The following ADI1 variants were observed in gnomAD, a reference collection of about 807,000 sequenced individuals.
ADI1 encodes the protein acireductone dioxygenase.
A neutral mutation model predicts 18.7 loss-of-function variants in ADI1; 21 were observed. The ratio of observed to expected loss-of-function variants is 1.13; its 90% CI spans 0.80 to 1.62. The LOEUF is 1.62. Ranked by LOEUF, ADI1 falls within the 40% of genes most tolerant of loss-of-function variation. The pLI, the probability that ADI1 is intolerant of heterozygous loss-of-function variation, is 0.00. For synonymous variants in ADI1, 90 were observed against 100.1 expected (o/e 0.90, Z 0.60); for missense variants, 245 against 254.9 (o/e 0.96, Z 0.26).
intron 2 of ADI1, among the ~76,000 whole-genome samples, chr2:3,509,341 T>C (rs1017558227): frequency 2.0e-5 from 3 of 152,212 alleles, no homozygotes; most frequent in African/African-American, 4.8e-5. Context: ...TTGGCATTCA[T>C]AGATTACTTC....
At chr2:3,514,098 C>T (rs1667349211) in intron 1 of ADI1, 122 bp from the exon 2 acceptor site, 1 of 1,192,144 alleles carries the variant, frequency 8.4e-7, no homozygotes, top group Non-Finnish European at 1.1e-6. Flanking sequence ...TTTTTTCAAC[C>T]CTCAACTAAC....
chr2:3,500,553 G>A lies in ADI1; in HGVS notation c.420+261C>T, dbSNP rs530836953. The stretch of plus-strand genomic sequence containing the variant: ...CCGCCGCATGTACCTGCCGCCGCCT[G>A]TACCTGCCCCGCCTGGGTATGAAAT... On this transcript the variant is annotated intron_variant, in intron 3 of 3. Coordinates refer to ENST00000327435, the MANE Select transcript of ADI1 (RefSeq NM_018269.4). 4.7e-5 allele frequency: 26 copies of A among 549,764 alleles called. No homozygotes were observed. The South Asian group carries it at 5.3e-4, about 11-fold the overall frequency. The allele number at this position is 549,764 out of a possible 1,614,324, so 34.1% of individuals were successfully genotyped here.
intron 3 of ADI1, 86 bp downstream of exon 3, chr2:3,500,728 C>T (rs749417065): frequency 1.3e-6 from 2 of 1,578,448 alleles, no homozygotes; most frequent in Admixed American, 1.7e-5. Flanking sequence ...TTGGAGTCTG[C>T]GGAAGCCGCG....
intron 3 of ADI1, among the ~76,000 whole-genome samples, chr2:3,500,323 T>C (rs1666966190): frequency 1.4e-5 from 2 of 145,636 alleles, no homozygotes; most frequent in South Asian, 4.3e-4. Flanking sequence ...ACCCCAAAAC[T>C]ACCTTATCTG....
chr2:3,504,437 G>C (rs74769629), intron 2 of ADI1, among the ~76,000 whole-genome samples: 1,821 of 152,364 alleles, frequency 0.012, 10 homozygotes, highest in Middle Eastern at 0.027. Context: ...AAACGTGGCT[G>C]AGAAGAGGCT....
At chr2:3,506,039 T>C (rs1393241391) in intron 2 of ADI1, among the ~76,000 whole-genome samples, 1 of 152,180 alleles carries the variant, frequency 6.6e-6, no homozygotes, top group Non-Finnish European at 1.5e-5. Flanking sequence ...GTTTATGGTA[T>C]TTGCTTATGG....
At chr2:3,508,878 T>G (rs1366910557) in intron 2 of ADI1, among the ~76,000 whole-genome samples, 1 of 150,112 alleles carries the variant, frequency 6.7e-6, no homozygotes, top group Non-Finnish European at 1.5e-5. Context: ...CATTTCAGCC[T>G]GGGTGACAGA....
intron 2 of ADI1, among the ~76,000 whole-genome samples, chr2:3,501,662 G>T (rs1454727415): frequency 6.6e-6 from 1 of 151,806 alleles, no homozygotes. Context: ...CAAGTAGCTG[G>T]GATTACAGGT....
At chr2:3,500,521 G>A (rs1397769471) in intron 3 of ADI1, 7 of 180,840 alleles carry the variant, frequency 3.9e-5, no homozygotes, top group Non-Finnish European at 6.0e-5. Flanking sequence ...TCGTGGGTGT[G>A]TACCTGCCGC....
rs371234090 is a variant in ADI1 at position 3,509,840 on chromosome 2, A to T, written c.240+4017T>A. On this transcript the variant is annotated intron_variant, in intron 2 of 3. Coordinates refer to ENST00000327435, the MANE Select transcript of ADI1 (RefSeq NM_018269.4). ...TGAGATTCCAACGCTACAAAAAATTAAAAAAAAAAAAAAATTAGGCAGGCC... is the reference window on the plus strand; with the variant it reads ...TGAGATTCCAACGCTACAAAAAATTTAAAAAAAAAAAAAATTAGGCAGGCC... Among the ~76,000 whole-genome samples, 182 of 89,598 alleles carry T rather than the reference A, an allele frequency of 2.0e-3. 2 individuals carry two copies. Among genetic ancestry groups the T allele is most frequent in the Middle Eastern group, 5.7e-3 (1 of 174 alleles). 58.8% of individuals were successfully genotyped at this position (89,598 alleles called of 152,430 possible). A position where few individuals can be genotyped will look rare whatever the true frequency, so the allele number is the denominator to read the frequency against.
chr2:3,502,429 A>G lies in ADI1; in HGVS notation c.241-1436T>C, dbSNP rs117370574. ...AGTCTATTCATAGCCACACAGAAAG[A>G]AAAGACAAACGGAAATAGCTCTTTT... On this transcript the variant is annotated intron_variant, in intron 2 of 3. Coordinates refer to ENST00000327435, the MANE Select transcript of ADI1 (RefSeq NM_018269.4). Among the ~76,000 whole-genome samples, 870 of 151,366 alleles carry G rather than the reference A, an allele frequency of 5.7e-3. 36 individuals are homozygous for G. The East Asian group carries it at 0.12, about 22-fold the overall frequency.
intron 2 of ADI1, among the ~76,000 whole-genome samples, chr2:3,504,167 C>T (rs116000424): frequency 1.7e-3 from 260 of 152,300 alleles, no homozygotes; most frequent in African/African-American, 6.0e-3. Flanking sequence ...ACGTTGACAT[C>T]AGCAGTGAGG....
rs370465181 is a variant in ADI1, at chr2:3,510,745, G to T, written c.240+3112C>A. Among the ~76,000 whole-genome samples, 52 of 152,154 alleles carry T rather than the reference G, an allele frequency of 3.4e-4. No individual in the cohort carries two copies. The Middle Eastern group carries it at 0.014, about 40-fold the overall frequency. On this transcript the variant is annotated intron_variant, in intron 2 of 3. Coordinates refer to ENST00000327435, the MANE Select transcript of ADI1 (RefSeq NM_018269.4). Reference sequence around the variant, plus strand: ...AATAATGCTCATTCAAGAAAAAATGGGTTACCTGAATAGCCCTACATCTAG... The same window carrying T: ...AATAATGCTCATTCAAGAAAAAATGTGTTACCTGAATAGCCCTACATCTAG...
intron 2 of ADI1, among the ~76,000 whole-genome samples, chr2:3,505,217 G>T (rs951313999): frequency 6.6e-6 from 1 of 152,220 alleles, no homozygotes; most frequent in African/African-American, 2.4e-5. Flanking sequence ...AGAACAAACT[G>T]AAAAACCAAC....
At chr2:3,519,150 G>T in intron 1 of ADI1, 1 of 525,048 alleles carries the variant, frequency 1.9e-6, no homozygotes, top group Non-Finnish European at 2.9e-6. Context: ...ACACCCAGGC[G>T]CCGCGCAGGA....
rs138200339 is a variant in ADI1, at chr2:3,509,754, C to T, written c.240+4103G>A. On this transcript the variant is annotated intron_variant, in intron 2 of 3. Coordinates refer to ENST00000327435, the MANE Select transcript of ADI1 (RefSeq NM_018269.4). The stretch of plus-strand genomic sequence containing the variant: ...CTAAGGAAAGAAAAACAACACTCTG[C>T]GAGGCCGAGGAGGGAGGATCACTTG... 2.1e-3 allele frequency among the ~76,000 whole-genome samples: 316 copies of T among 151,712 alleles called. 4 individuals carry two copies. The highest frequency in any genetic ancestry group is 7.3e-3 in the African/African-American group (300 of 41,368).
At chr2:3,507,588 TCAGA>T (rs1293165863) in intron 2 of ADI1, among the ~76,000 whole-genome samples, 3 of 152,078 alleles carry the variant, frequency 2.0e-5, no homozygotes, top group Non-Finnish European at 2.9e-5. Flanking sequence ...AAAGACTTTC[TCAGA>T]CAAACAAAAA....
At chr2:3,514,389 A>T (rs1667355561) in intron 1 of ADI1, among the ~76,000 whole-genome samples, 1 of 152,206 alleles carries the variant, frequency 6.6e-6, no homozygotes, top group African/African-American at 2.4e-5. Context: ...GAGCCAAAAC[A>T]TTGTATGCTC....
At chr2:3,511,579 CAGATATTTCTTTA>C (rs1667295340) in intron 2 of ADI1, among the ~76,000 whole-genome samples, 1 of 152,176 alleles carries the variant, frequency 6.6e-6, no homozygotes, top group Non-Finnish European at 1.5e-5. Context: ...TACACAGTCT[CAGATATTTCTTTA>C]TAGCAATGCA....
Sources: gnomAD v4.1 joint callset for allele counts (sites outside exome capture counted in the v4.1 genomes callset) on GRCh38, gnomAD v4.1.1 for gene constraint, MANE v1.5 for transcripts, NCBI Gene and HGNC (gene_info 2026-07-23, HGNC 2026-07-21) for gene names.